N4BP2: variants seen among roughly 807,000 people sequenced by gnomAD.
The protein encoded by N4BP2 is NEDD4-binding protein 2.
Under a neutral mutation model 152.8 loss-of-function variants are expected in N4BP2, and 91 were observed. The ratio of observed to expected loss-of-function variants is 0.60; its 90% CI spans 0.50 to 0.71. The LOEUF (loss-of-function observed/expected upper bound fraction) is 0.71, where lower values mean the gene tolerates loss of function less well. N4BP2 is among the 30% of genes least tolerant of loss of function. N4BP2 has a pLI of 0.00. For missense variants in N4BP2, 1,923 were observed against 2,059.1 expected, an observed-to-expected ratio of 0.93 and a Z score of 1.28; for synonymous variants, 646 against 705.3, an observed-to-expected ratio of 0.92 and a Z score of 1.33.
chr4:40,133,389 G>T (rs987964379), intron 13 of N4BP2, among the ~76,000 whole-genome samples: 1 of 152,096 alleles, frequency 6.6e-6, no homozygotes, highest in Non-Finnish European at 1.5e-5. Context: ...AGGCTGGAGT[G>T]CAGTGGCACC....
At chr4:40,131,696 C>A in intron 12 of N4BP2, 105 bp from the exon 13 acceptor site, 1 of 760,940 alleles carries the variant, frequency 1.3e-6, no homozygotes, top group Non-Finnish European at 2.2e-6. Flanking sequence ...TCTGTGATTG[C>A]TTTTAAATCA....
At chr4:40,099,509 C>A (rs1452240427) in intron 3 of N4BP2, among the ~76,000 whole-genome samples, 2 of 152,080 alleles carry the variant, frequency 1.3e-5, no homozygotes, top group Admixed American at 1.3e-4. Flanking sequence ...CTCAGCCTCC[C>A]AAAATGCTAG....
the N4BP2 span, among the ~76,000 whole-genome samples, chr4:40,182,878 T>C: frequency 6.6e-6 from 1 of 152,104 alleles, no homozygotes; most frequent in South Asian, 2.1e-4. Context: ...GGTTTCACCA[T>C]GTTGGCCAGG....
chr4:40,135,349 T>C (rs1719289538), intron 13 of N4BP2, among the ~76,000 whole-genome samples: 1 of 151,612 alleles, frequency 6.6e-6, no homozygotes, highest in Admixed American at 6.6e-5. Flanking sequence ...AGTCTATCAT[T>C]GTTGGACATT....
chr4:40,108,525 A>G (rs1716543224), intron 5 of N4BP2, among the ~76,000 whole-genome samples: 3 of 151,910 alleles, frequency 2.0e-5, no homozygotes, highest in African/African-American at 7.2e-5. Context: ...CATGTTGGCC[A>G]GGCTGGTCTT....
In N4BP2 at chr4:40,122,322, T is replaced by C; in HGVS notation, c.4198+13T>C. The C allele has an allele frequency of 6.6e-7, 1 of 1,509,494 alleles. No individual in the cohort carries two copies. The highest frequency in any genetic ancestry group is 9.0e-7 in the Non-Finnish European group (1 of 1,114,756). 93.5% of individuals were successfully genotyped at this position (1,509,494 alleles called of 1,614,324 possible). On this transcript the variant is annotated intron_variant, in intron 9 of 17. Transcript: ENST00000261435. ...GGTATTGATTCAGGTAAGGAAAAAG[T>C]AAATGACCATGTGTGTGTCTTTGTG...
At position 40,120,597 on chromosome 4, in the gene N4BP2, A is replaced by C; in HGVS notation, c.2486A>C (p.Asn829Thr). 6.2e-7 allele frequency: 1 copy of C among 1,614,186 alleles called. No homozygotes were observed. Among genetic ancestry groups the C allele is most frequent in the Non-Finnish European group, 8.5e-7 (1 of 1,180,022 alleles). The part of the protein sequence containing the change: ...YNYPQSHKLV[N>T]SVSVNTDCVQ... ...TACCCTCAGTCACACAAATTAGTTAACAGTGTATCTGTGAATACAGATTGT... is the reference window on the plus strand; with the variant it reads ...TACCCTCAGTCACACAAATTAGTTACCAGTGTATCTGTGAATACAGATTGT... Residue 829 changes from asparagine to threonine, a missense_variant, in exon 9 of 18, where the codon AAC becomes ACC. Asn to Thr is a moderately conservative substitution (Grantham distance 65). Transcript: ENST00000261435.
intron 5 of N4BP2, among the ~76,000 whole-genome samples, chr4:40,108,211 G>C (rs1381257439): frequency 6.6e-6 from 1 of 152,130 alleles, no homozygotes; most frequent in Non-Finnish European, 1.5e-5. Flanking sequence ...TGGGATTACA[G>C]GTTTGAGCCA....
the N4BP2 span, among the ~76,000 whole-genome samples, chr4:40,170,005 G>C: frequency 6.8e-6 from 1 of 146,996 alleles, no homozygotes; most frequent in Non-Finnish European, 1.5e-5. Flanking sequence ...AAAGAAAATA[G>C]AGGAGGAAAT....
chr4:40,103,240 T>C, intron 4 of N4BP2, 22 bp downstream of exon 4: 2 of 1,562,108 alleles, frequency 1.3e-6, no homozygotes, highest in Non-Finnish European at 1.7e-6. Context: ...GATTGGGTTT[T>C]TAAAAAATAG....
intron 16 of N4BP2, among the ~76,000 whole-genome samples, chr4:40,148,672 G>T (rs1012549470): frequency 5.3e-5 from 8 of 152,096 alleles, no homozygotes; most frequent in African/African-American, 1.7e-4. Context: ...TTATTTAAAA[G>T]AAATAGGAGG....
Position 40,122,266 on chromosome 4 carries a change from T to C in N4BP2, c.4155T>C (p.Ala1385=). ...CLELALPPEL[A]FQLNELFGPV... ...AATTGGCATTACCCCCTGAACTGGCTTTTCAACTTAATGAATTATTTGGTC... is the reference window on the plus strand; with the variant it reads ...AATTGGCATTACCCCCTGAACTGGCCTTTCAACTTAATGAATTATTTGGTC... The change falls in exon 9 of 18, where the codon GCT becomes GCC. Residue 1385 remains alanine, a synonymous_variant. Coordinates refer to ENST00000261435, the MANE Select transcript of N4BP2 (RefSeq NM_018177.6). 6.3e-7 allele frequency: 1 copy of C among 1,590,750 alleles called. No individual in the cohort carries two copies. The highest frequency in any genetic ancestry group is 8.6e-7 in the Non-Finnish European group (1 of 1,167,216).
intron 2 of N4BP2, among the ~76,000 whole-genome samples, chr4:40,085,365 G>A (rs1713838443): frequency 6.6e-6 from 1 of 152,232 alleles, no homozygotes; most frequent in South Asian, 2.1e-4. Context: ...ACAAAGTAGA[G>A]ATGTTCAGTG....
intron 1 of N4BP2, among the ~76,000 whole-genome samples, chr4:40,063,982 AG>A (rs113670298): frequency 1.8e-3 from 266 of 150,658 alleles, no homozygotes; most frequent in African/African-American, 5.9e-3. Flanking sequence ...GTGGGGCGGC[AG>A]GGGGGGGTCT....
downstream of N4BP2, among the ~76,000 whole-genome samples, chr4:40,161,188 C>T (rs536535961): frequency 5.9e-5 from 9 of 152,196 alleles, no homozygotes; most frequent in South Asian, 2.1e-4. Flanking sequence ...CTGATAATGC[C>T]GCCACTAGCT....
At chr4:40,140,570 G>T (rs1719824424) in intron 14 of N4BP2, among the ~76,000 whole-genome samples, 1 of 151,688 alleles carries the variant, frequency 6.6e-6, no homozygotes, top group African/African-American at 2.4e-5. Context: ...AATTATTTTT[G>T]CACTTATTCT....
chr4:40,094,119 A>G (rs558150507), intron 2 of N4BP2, among the ~76,000 whole-genome samples: 87 of 152,316 alleles, frequency 5.7e-4, no homozygotes, highest in Non-Finnish European at 6.2e-4. Flanking sequence ...AGACTTCATC[A>G]TTGACCCATG....
At chr4:40,059,994 C>CT (rs140282363) in intron 1 of N4BP2, among the ~76,000 whole-genome samples, 163 of 145,028 alleles carry the variant, frequency 1.1e-3, no homozygotes, top group African/African-American at 2.3e-3. Flanking sequence ...AAACCTTATT[C>CT]TTTTTTTTTT....
Position 40,097,388 on chromosome 4 carries a change from T to C in N4BP2, c.48T>C (p.Thr16=). ...TTGGGGGAAATCCTTTTCGGAAGAC[T>C]GCAAACCCTAAGGAAGTTGTCGTAT... The part of the protein sequence containing the change: ...KNLGGNPFRK[T]ANPKEVVVSS... The change falls in exon 3 of 18, where the codon ACT becomes ACC. Residue 16 remains threonine, a synonymous_variant. Transcript: ENST00000261435. The C allele has an allele frequency of 6.2e-7, 1 of 1,614,146 alleles. No individual in the cohort carries two copies. The highest frequency in any genetic ancestry group is 8.5e-7 in the Non-Finnish European group (1 of 1,180,002).
Sources: allele counts gnomAD v4.1 joint callset (sites outside exome capture counted in the v4.1 genomes callset), GRCh38; gene constraint gnomAD v4.1.1; transcripts MANE v1.5; gene names NCBI Gene and HGNC (gene_info 2026-07-23, HGNC 2026-07-21).